Variants in ARID2 observed in about 807,000 individuals in gnomAD.
The protein encoded by ARID2 is AT-rich interactive domain-containing protein 2.
Under a neutral mutation model 184.6 loss-of-function variants are expected in ARID2, and 32 were observed. That is an observed-to-expected ratio of 0.17 (90% CI 0.13 to 0.23). The LOEUF (loss-of-function observed/expected upper bound fraction) is 0.23. ARID2 is among the 10% of genes least tolerant of loss of function. ARID2 has a pLI of 1.00. For missense variants in ARID2, 1,696 were observed against 2,197.6 expected (o/e 0.77, Z 4.56); for synonymous variants, 836 against 772.6 (o/e 1.08, Z -1.36).
At chr12:45,834,947 C>G (rs933000893) in intron 6 of ARID2, among the ~76,000 whole-genome samples, 25 of 152,054 alleles carry the variant, frequency 1.6e-4, no homozygotes, top group African/African-American at 5.8e-4. Flanking sequence ...CTTACATTGT[C>G]ACATATTCTG....
chr12:45,893,924 TC>T (rs1944336375), intron 20 of ARID2: 1 of 405,180 alleles, frequency 2.5e-6, no homozygotes, highest in Admixed American at 4.3e-5. Flanking sequence ...CAAAAGGTGG[TC>T]TCTTAAGTTG....
rs758020950 is a variant in ARID2 at position 45,850,217 on chromosome 12, T to G, written c.2094T>G (p.Ala698=). ...PSPHTHQQQN[A]PVTVIQSKAP... Reference sequence around the variant, plus strand: ...CTCATACCCACCAGCAACAAAATGCTCCAGTGACTGTCATTCAAAGTAAAG... The same window carrying G: ...CTCATACCCACCAGCAACAAAATGCGCCAGTGACTGTCATTCAAAGTAAAG... Residue 698 remains alanine (A), a synonymous_variant, in exon 15 of 21, where the codon GCT becomes GCG. Transcript: ENST00000334344. 1.2e-6 allele frequency: 2 copies of G among 1,614,114 alleles called. No individual in the cohort carries two copies. Among genetic ancestry groups the G allele is most frequent in the South Asian group, 2.2e-5 (2 of 91,086 alleles).
intron 16 of ARID2, among the ~76,000 whole-genome samples, chr12:45,867,896 A>G (rs970417147): frequency 2.0e-5 from 3 of 152,240 alleles, no homozygotes; most frequent in South Asian, 2.1e-4. Flanking sequence ...TGACCACTCT[A>G]TGGGTTTTGA....
chr12:45,895,541 C>G (rs12298184), intron 20 of ARID2, among the ~76,000 whole-genome samples: 14,372 of 152,122 alleles, frequency 0.094, 2,279 homozygotes, highest in African/African-American at 0.32. Flanking sequence ...GAGTTCTGAT[C>G]TGGAATTTTT....
intron 16 of ARID2, among the ~76,000 whole-genome samples, chr12:45,866,505 CAG>C (rs1555157404): frequency 6.6e-6 from 1 of 152,124 alleles, no homozygotes; most frequent in African/African-American, 2.4e-5. Context: ...ATTGCTGAGT[CAG>C]GGGATTTACA....
chr12:45,763,852 TTTTG>T (rs1476111265), intron 3 of ARID2, among the ~76,000 whole-genome samples: 4 of 152,092 alleles, frequency 2.6e-5, no homozygotes, highest in Non-Finnish European at 5.9e-5. Flanking sequence ...CGTTAATGGT[TTTTG>T]TTTGTTTTTT....
intron 16 of ARID2, among the ~76,000 whole-genome samples, 185 bp from the exon 17 acceptor site, chr12:45,891,595 T>C (rs1471529008): frequency 6.6e-6 from 1 of 152,230 alleles, no homozygotes; most frequent in Non-Finnish European, 1.5e-5. Context: ...CATTCACTTT[T>C]AAGAGATTTT....
chr12:45,848,996 A>C (rs762292771), intron 13 of ARID2, 26 bp downstream of exon 13: 7 of 1,599,190 alleles, frequency 4.4e-6, no homozygotes, highest in South Asian at 2.3e-5. Flanking sequence ...CTTTAAATAA[A>C]GTCCATTTAC....
chr12:45,756,815 C>T (rs1456908395), intron 3 of ARID2, among the ~76,000 whole-genome samples: 5 of 152,156 alleles, frequency 3.3e-5, no homozygotes, highest in Non-Finnish European at 7.4e-5. Flanking sequence ...GGGAGGATCC[C>T]TGGAGCCTGG....
chr12:45,805,523 G>T (rs889847901), intron 3 of ARID2, among the ~76,000 whole-genome samples: 11 of 151,808 alleles, frequency 7.2e-5, no homozygotes, highest in Admixed American at 2.6e-4. Context: ...TATATATAAT[G>T]GTTATTATTG....
At chr12:45,801,461 C>G (rs907154921) in intron 3 of ARID2, among the ~76,000 whole-genome samples, 1 of 152,022 alleles carries the variant, frequency 6.6e-6, no homozygotes, top group Non-Finnish European at 1.5e-5. Context: ...TTAGTAATTT[C>G]TAAAAGGAAA....
chr12:45,831,713 G>T (rs1298223329), intron 6 of ARID2, among the ~76,000 whole-genome samples: 1 of 152,110 alleles, frequency 6.6e-6, no homozygotes, highest in Non-Finnish European at 1.5e-5. Context: ...GTTCAGTTCA[G>T]TTGTTCTACA....
At chr12:45,791,600 G>A (rs1942291436) in intron 3 of ARID2, among the ~76,000 whole-genome samples, 1 of 152,030 alleles carries the variant, frequency 6.6e-6, no homozygotes, top group Non-Finnish European at 1.5e-5. Context: ...TTGATTGATT[G>A]ATTGATTGTT....
In ARID2 at chr12:45,904,823, G is replaced by T. The variant is rs1262159520; in HGVS notation, c.5364-111G>T. 1.3e-5 allele frequency: 14 copies of T among 1,041,664 alleles called. No individual in the cohort carries two copies. The East Asian group carries it at 1.8e-4, about 13-fold the overall frequency. 64.5% of individuals were successfully genotyped at this position (1,041,664 alleles called of 1,614,324 possible). On this transcript the variant is annotated intron_variant, in intron 20 of 20. Transcript: ENST00000334344. ...GCAATACTATATTAACATTTACGGGGTGTGGAGCTATGTATTGTTTCTATT... is the reference window on the plus strand; with the variant it reads ...GCAATACTATATTAACATTTACGGGTTGTGGAGCTATGTATTGTTTCTATT...
intron 11 of ARID2, among the ~76,000 whole-genome samples, chr12:45,845,623 G>A (rs1592115548): frequency 6.6e-6 from 1 of 152,228 alleles, no homozygotes; most frequent in Non-Finnish European, 1.5e-5. Flanking sequence ...CAGAGTATAT[G>A]TTTATTAAAT....
In ARID2 at chr12:45,893,710, A is replaced by G; in HGVS notation, c.5352A>G (p.Glu1784=). The change falls in exon 20 of 21, where the codon GAA becomes GAG. Residue 1784 remains glutamate, a synonymous_variant. Transcript: ENST00000334344. ...TAAAAAATATTGGTAAATATTCAGAATGTGGTCGCAGGTGAGTAATATGTT... is the reference window on the plus strand; with the variant it reads ...TAAAAAATATTGGTAAATATTCAGAGTGTGGTCGCAGGTGAGTAATATGTT... The part of the protein sequence containing the change: ...LILKNIGKYS[E]CGRRLLKRHE... 2 of 1,598,670 alleles carry G rather than the reference A, an allele frequency of 1.3e-6. No individual in the cohort carries two copies. Among genetic ancestry groups the G allele is most frequent in the Non-Finnish European group, 1.7e-6 (2 of 1,175,350 alleles).
Position 45,780,807 on chromosome 12 carries a change from A to G in ARID2, c.285-30611A>G, listed in dbSNP as rs149478100. Among the ~76,000 whole-genome samples the G allele has an allele frequency of 5.6e-3, 851 of 151,898 alleles. 8 individuals carry two copies. Among genetic ancestry groups the G allele is most frequent in the African/African-American group, 0.02 (808 of 41,410 alleles). ...CTAATTTTTTGTATTTTTAGTAGTG[A>G]TGGGGTTTCACTATGTTGGCCAGGC... On this transcript the variant is annotated intron_variant, in intron 3 of 20. Coordinates refer to ENST00000334344, the MANE Select transcript of ARID2 (RefSeq NM_152641.4).
chr12:45,836,582 A>G lies in ARID2; in HGVS notation c.706-7A>G, dbSNP rs756334486. 1.8e-5 allele frequency: 29 copies of G among 1,601,840 alleles called. No homozygotes were observed. Among genetic ancestry groups the G allele is most frequent in the Non-Finnish European group, 2.5e-5 (29 of 1,174,866 alleles). On this transcript the variant is annotated splice_region_variant and splice_polypyrimidine_tract_variant and intron_variant, in intron 6 of 20. Coordinates refer to ENST00000334344, the MANE Select transcript of ARID2 (RefSeq NM_152641.4). The stretch of plus-strand genomic sequence containing the variant: ...ATCATGGAGAATTAAATAATTTATC[A>G]TTACAGTTTTGGAAAGACATCGTTG...
chr12:45,824,809 G>T (rs561594035), intron 6 of ARID2, among the ~76,000 whole-genome samples: 2 of 151,154 alleles, frequency 1.3e-5, no homozygotes, highest in South Asian at 4.2e-4. Context: ...CAATAGCCAA[G>T]ATATGAAATT....
Sources: allele counts gnomAD v4.1 joint callset (sites outside exome capture counted in the v4.1 genomes callset), GRCh38; gene constraint gnomAD v4.1.1; transcripts MANE v1.5; gene names NCBI Gene and HGNC (gene_info 2026-07-23, HGNC 2026-07-21).